Variants in NASP observed in about 807,000 individuals in gnomAD.
NASP encodes the protein nuclear autoantigenic sperm protein.
A neutral mutation model predicts 89.5 loss-of-function variants in NASP; 24 were observed. That is an observed-to-expected ratio of 0.27 (90% CI 0.19 to 0.38). The LOEUF (loss-of-function observed/expected upper bound fraction) is 0.38. NASP is among the 10% of genes least tolerant of loss of function. NASP has a pLI of 1.00. For synonymous variants in NASP, 306 were observed against 324.7 expected (o/e 0.94, Z 0.62); for missense variants, 848 against 921.4 (o/e 0.92, Z 1.03).
At chr1:45,616,520 G>A in intron 12 of NASP, 106 bp from the exon 13 acceptor site, 1 of 1,491,164 alleles carries the variant, frequency 6.7e-7, no homozygotes, top group Non-Finnish European at 9.3e-7. Flanking sequence ...ACACTAGCTT[G>A]GGCAACATAG....
At chr1:45,597,915 C>G (rs1302645806) in intron 2 of NASP, among the ~76,000 whole-genome samples, 1 of 152,060 alleles carries the variant, frequency 6.6e-6, no homozygotes, top group African/African-American at 2.4e-5. Flanking sequence ...TTTGTTGACC[C>G]CCTCATACTT....
At position 45,618,837 on chromosome 1, in the gene NASP, A is replaced by T. The variant is rs1644155620; in HGVS notation, c.*696A>T. 1 of 152,260 alleles carries T rather than the reference A, an allele frequency of 6.6e-6. No individual in the cohort carries two copies. The highest frequency in any genetic ancestry group is 2.4e-5 in the African/African-American group (1 of 41,468). 9.4% of individuals were successfully genotyped at this position (152,260 alleles called of 1,614,324 possible). A position where few individuals can be genotyped will look rare whatever the true frequency, so the allele number is the denominator to read the frequency against. On this transcript the variant is annotated 3_prime_UTR_variant, in exon 15 of 15. Coordinates refer to ENST00000350030, the MANE Select transcript of NASP (RefSeq NM_002482.4). ...TATAGAAAGGTTGAGATATATCAAC[A>T]CTTGGAATTGTTACCCATCTGCAGA... is the stretch of plus-strand genomic sequence containing the variant.
chr1:45,612,030 T>G (rs1032780795), intron 6 of NASP: 1 of 150,056 alleles, frequency 6.7e-6, no homozygotes, highest in African/African-American at 2.5e-5. Flanking sequence ...CTGGCTAATT[T>G]TTTTGTTTTT....
chr1:45,589,888 A>G (rs1643487344), intron 1 of NASP, among the ~76,000 whole-genome samples: 1 of 152,106 alleles, frequency 6.6e-6, no homozygotes, highest in East Asian at 1.9e-4. Context: ...GCAACAGAGA[A>G]GGACTGTCTC....
At chr1:45,584,596 C>G (rs1323022756) in intron 1 of NASP, among the ~76,000 whole-genome samples, 1 of 152,164 alleles carries the variant, frequency 6.6e-6, no homozygotes, top group East Asian at 1.9e-4. Flanking sequence ...CCCTGGATAA[C>G]CCGGGAATAT....
chr1:45,601,198 T>A (rs1167007570), intron 2 of NASP, among the ~76,000 whole-genome samples: 1 of 152,190 alleles, frequency 6.6e-6, no homozygotes, highest in African/African-American at 2.4e-5. Flanking sequence ...TTTTTTCCTC[T>A]TGTTAATAGT....
chr1:45,599,953 ATTTTTTTT>A (rs11302173), intron 2 of NASP, among the ~76,000 whole-genome samples: 26 of 79,076 alleles, frequency 3.3e-4, no homozygotes, highest in Middle Eastern at 8.1e-3. Context: ...TTTCCTCTGT[ATTTTTTTT>A]TTTTTTTTTT....
chr1:45,588,198 G>T (rs546632920), intron 1 of NASP, among the ~76,000 whole-genome samples: 2 of 152,162 alleles, frequency 1.3e-5, no homozygotes, highest in Non-Finnish European at 2.9e-5. Context: ...CCACCTCCAG[G>T]GTTCAAGCAA....
Position 45,617,471 on chromosome 1 carries a change from A to G in NASP, c.2166A>G (p.Pro722=). Reference sequence around the variant, plus strand: ...CACAATTATATCTTTAGAGGAAACCAGAGGAAGAGAGTCCCCGGAAAGATG... The same window carrying G: ...CACAATTATATCTTTAGAGGAAACCGGAGGAAGAGAGTCCCCGGAAAGATG... ...ISHLVRKKRK[P]EEESPRKDDA... is the part of the protein sequence containing the mutation. The change falls in exon 14 of 15, where the codon CCA becomes CCG. Residue 722 remains proline (P), a synonymous_variant. Transcript: ENST00000350030. 2 of 1,613,220 alleles carry G rather than the reference A, an allele frequency of 1.2e-6. No individual in the cohort carries two copies. Among genetic ancestry groups the G allele is most frequent in the Non-Finnish European group, 1.7e-6 (2 of 1,179,798 alleles).
intron 1 of NASP, among the ~76,000 whole-genome samples, chr1:45,584,947 T>C (rs1644509045): frequency 6.6e-6 from 1 of 152,218 alleles, no homozygotes; most frequent in African/African-American, 2.4e-5. Flanking sequence ...TTGTCGTTCT[T>C]TAGACTTTGG....
chr1:45,614,219 T>G, intron 8 of NASP, 38 bp downstream of exon 8: 1 of 1,598,250 alleles, frequency 6.3e-7, no homozygotes. Flanking sequence ...GGTTGGGAGT[T>G]TGGTGGTTAA....
chr1:45,589,527 A>G (rs1340656256), intron 1 of NASP, among the ~76,000 whole-genome samples: 1 of 152,208 alleles, frequency 6.6e-6, no homozygotes, highest in Non-Finnish European at 1.5e-5. Flanking sequence ...CTAAAAATTC[A>G]TAATGAACGT....
chr1:45,601,284 T>A, intron 2 of NASP, among the ~76,000 whole-genome samples: 1 of 152,254 alleles, frequency 6.6e-6, no homozygotes, highest in East Asian at 1.9e-4. Context: ...TATTTTCTTG[T>A]AGAAACTTTA....
At chr1:45,594,717 C>G (rs1352946065) in intron 2 of NASP, 1 of 455,314 alleles carries the variant, frequency 2.2e-6, no homozygotes, top group African/African-American at 2.0e-5. Flanking sequence ...TCACGTTGCC[C>G]AGGCTGGGGC....
intron 2 of NASP, among the ~76,000 whole-genome samples, chr1:45,593,959 G>T (rs368098814): frequency 2.0e-5 from 3 of 151,830 alleles, no homozygotes; most frequent in East Asian, 3.9e-4. Flanking sequence ...AGCCCAGGAA[G>T]TCGAGGTGGT....
At chr1:45,602,023 A>AT (rs1643860407) in intron 2 of NASP, among the ~76,000 whole-genome samples, 1 of 152,114 alleles carries the variant, frequency 6.6e-6, no homozygotes, top group South Asian at 2.1e-4. Context: ...AAGTGCTGGG[A>AT]TTACAGGCAT....
intron 2 of NASP, among the ~76,000 whole-genome samples, chr1:45,593,868 T>A (rs895752207): frequency 9.1e-4 from 134 of 147,874 alleles, no homozygotes; most frequent in Non-Finnish European, 1.5e-3. Flanking sequence ...AAAAAAAAAA[T>A]TTTTTTTTTA....
At chr1:45,616,580 AT>A (rs756923576) in intron 12 of NASP, 45 bp from the exon 13 acceptor site, 3 of 1,580,282 alleles carry the variant, frequency 1.9e-6, no homozygotes, top group Admixed American at 3.3e-5. Flanking sequence ...CTCAGCATTG[AT>A]CTCATATAGC....
chr1:45,585,701 C>A (rs1644523747), intron 1 of NASP, among the ~76,000 whole-genome samples: 1 of 152,156 alleles, frequency 6.6e-6, no homozygotes, highest in South Asian at 2.1e-4. Flanking sequence ...CTGGATCTCA[C>A]ATCCAGACTG....
Sources: allele counts gnomAD v4.1 joint callset (sites outside exome capture counted in the v4.1 genomes callset), GRCh38; gene constraint gnomAD v4.1.1; transcripts MANE v1.5; gene names NCBI Gene and HGNC (gene_info 2026-07-23, HGNC 2026-07-21).